GDAP1: variants seen among roughly 807,000 people sequenced by gnomAD.
The protein encoded by GDAP1 is ganglioside induced differentiation associated protein 1, also known as ganglioside-induced differentiation-associated protein 1.
A neutral mutation model predicts 40.1 loss-of-function variants in GDAP1; 34 were observed. The observed-to-expected ratio is 0.85, with a 90% CI of 0.64 to 1.13. The LOEUF (loss-of-function observed/expected upper bound fraction) is 1.13, where lower values mean the gene tolerates loss of function less well. Ranked by LOEUF, GDAP1 falls within the 50% of genes most tolerant of loss-of-function variation. GDAP1 has a pLI of 0.00. For synonymous variants in GDAP1, 170 were observed against 157.4 expected (o/e 1.08, Z -0.60); for missense variants, 374 against 433.7 (o/e 0.86, Z 1.22).
intron 2 of GDAP1, among the ~76,000 whole-genome samples, chr8:74,356,862 G>T (rs564775803): frequency 2.6e-5 from 4 of 151,388 alleles, no homozygotes; most frequent in African/African-American, 9.7e-5. Flanking sequence ...CTATAGGCGC[G>T]CACCACCACG....
chr8:74,377,304 G>T (rs1809872540), intron 2 of GDAP1, among the ~76,000 whole-genome samples: 1 of 151,976 alleles, frequency 6.6e-6, no homozygotes, highest in Admixed American at 6.6e-5. Context: ...CCTGACAAAG[G>T]ATGTATAGTC....
intron 2 of GDAP1, among the ~76,000 whole-genome samples, chr8:74,426,999 G>A (rs925370483): frequency 2.0e-5 from 3 of 152,128 alleles, no homozygotes; most frequent in Non-Finnish European, 2.9e-5. Context: ...CTTTGCATCC[G>A]TACCTGTGTG....
chr8:74,460,277 A>G (rs1245927684), intron 2 of GDAP1, among the ~76,000 whole-genome samples: 1 of 152,208 alleles, frequency 6.6e-6, no homozygotes, highest in Non-Finnish European at 1.5e-5. Flanking sequence ...ATTTGTTGAT[A>G]AAGGAGAAAT....
At chr8:74,458,428 T>G (rs73686982) in intron 2 of GDAP1, among the ~76,000 whole-genome samples, 1,645 of 152,304 alleles carry the variant, frequency 0.011, 30 homozygotes, top group African/African-American at 0.037. Context: ...CATGGCCCAC[T>G]TACATGGATA....
chr8:74,408,895 C>T (rs1805674008), intron 2 of GDAP1, among the ~76,000 whole-genome samples: 1 of 150,014 alleles, frequency 6.7e-6, no homozygotes, highest in Non-Finnish European at 1.5e-5. Flanking sequence ...AGGCTCTAAA[C>T]AAAGGTATCC....
intron 2 of GDAP1, among the ~76,000 whole-genome samples, chr8:74,464,780 G>A (rs1033525219): frequency 4.6e-5 from 7 of 152,142 alleles, no homozygotes; most frequent in African/African-American, 1.4e-4. Flanking sequence ...GCCATATTTA[G>A]GGAAAGGGAT....
intron 2 of GDAP1, among the ~76,000 whole-genome samples, chr8:74,419,136 A>C (rs951846671): frequency 1.3e-5 from 2 of 152,316 alleles, no homozygotes; most frequent in Admixed American, 6.5e-5. Flanking sequence ...CTTATAGTTA[A>C]ACCTGCACTT....
chr8:74,360,045 TTAA>T, intron 2 of GDAP1, 89 bp from the exon 3 acceptor site: 1 of 860,332 alleles, frequency 1.2e-6, no homozygotes, highest in South Asian at 1.4e-5. Context: ...GTTGAAAATG[TTAA>T]TGATGAGTGG....
chr8:74,412,692 C>T lies in GDAP1; in HGVS notation c.165+61371C>T, dbSNP rs117007344. Among the ~76,000 whole-genome samples the T allele has an allele frequency of 6.0e-4, 90 of 149,958 alleles. 2 individuals are homozygous for T. In the East Asian group the frequency reaches 0.014, roughly 23 times the overall value. On this transcript the variant is annotated intron_variant, in intron 2 of 2. Coordinates refer to the GDAP1 transcript ENST00000523640. ...CTAACAAAAACTGAGGGCAAAGAAA[C>T]AACAAGGTGAATAACAAGATGAAAT... is the stretch of plus-strand genomic sequence containing the variant.
chr8:74,364,810 T>C lies in GDAP1; in HGVS notation c.*443T>C. Reference sequence around the variant, plus strand: ...GGGCTGGAGAGAACCCCAGGCTTTATATGTATACTTTGACCTCAGTGTTAA... The same window carrying C: ...GGGCTGGAGAGAACCCCAGGCTTTACATGTATACTTTGACCTCAGTGTTAA... On this transcript the variant is annotated 3_prime_UTR_variant, in exon 6 of 6. Transcript: ENST00000220822. 2.2e-6 allele frequency: 1 copy of C among 455,796 alleles called. No homozygotes were observed. Among genetic ancestry groups the C allele is most frequent in the Non-Finnish European group, 4.4e-6 (1 of 227,960 alleles). 28.2% of individuals were successfully genotyped at this position (455,796 alleles called of 1,614,324 possible). A position where few individuals can be genotyped will look rare whatever the true frequency, so the allele number is the denominator to read the frequency against.
chr8:74,383,912 G>A (rs972977031), intron 2 of GDAP1, among the ~76,000 whole-genome samples: 1 of 152,096 alleles, frequency 6.6e-6, no homozygotes, highest in Non-Finnish European at 1.5e-5. Flanking sequence ...CATCTTGGTG[G>A]TTGTAGGTAT....
chr8:74,443,759 C>CT (rs944272922), intron 2 of GDAP1, among the ~76,000 whole-genome samples: 16 of 152,232 alleles, frequency 1.1e-4, no homozygotes, highest in Admixed American at 9.2e-4. Flanking sequence ...GGGAGGCTTC[C>CT]TTAGTCATTC....
chr8:74,471,931 A>G (rs1394494234), intron 2 of GDAP1, among the ~76,000 whole-genome samples: 2 of 152,128 alleles, frequency 1.3e-5, no homozygotes, highest in Non-Finnish European at 2.9e-5. Context: ...TAATTAAATT[A>G]ATTAATTAAT....
intron 2 of GDAP1, among the ~76,000 whole-genome samples, chr8:74,381,938 A>G (rs1809960287): frequency 6.6e-6 from 1 of 151,880 alleles, no homozygotes; most frequent in Admixed American, 6.6e-5. Context: ...TGGGAGGTCA[A>G]TCCTCTGCTT....
chr8:74,470,181 G>T (rs1806530674), intron 2 of GDAP1, among the ~76,000 whole-genome samples: 1 of 151,400 alleles, frequency 6.6e-6, no homozygotes, highest in African/African-American at 2.4e-5. Flanking sequence ...AAATTTATTT[G>T]CTTGGTGTTA....
chr8:74,466,289 G>T (rs1806468883), intron 2 of GDAP1, among the ~76,000 whole-genome samples: 1 of 152,188 alleles, frequency 6.6e-6, no homozygotes, highest in Non-Finnish European at 1.5e-5. Flanking sequence ...GGGCCCCAGG[G>T]TTCCTTGGAA....
In GDAP1 at chr8:74,453,023, C is replaced by T. The variant is rs1447655501; in HGVS notation, c.166-35655C>T. On this transcript the variant is annotated intron_variant, in intron 2 of 2. Transcript: ENST00000523640. ...TATTTGCTTTGGTTTTGTTGTTAGT[C>T]GTGCTAAATCACTTAGTCCTGGAAC... is the stretch of plus-strand genomic sequence containing the variant. Among the ~76,000 whole-genome samples the T allele has an allele frequency of 3.6e-5, 3 of 82,678 alleles. 1 individual carries two copies. The highest frequency in any genetic ancestry group is 7.3e-5 in the Non-Finnish European group (3 of 40,908). The allele number at this position is 82,678 out of a possible 152,430, so 54.2% of individuals were successfully genotyped here. A position where few individuals can be genotyped will look rare whatever the true frequency, so the allele number is the denominator to read the frequency against.
chr8:74,430,443 C>G (rs1806011017), intron 2 of GDAP1, among the ~76,000 whole-genome samples: 1 of 152,090 alleles, frequency 6.6e-6, no homozygotes, highest in Admixed American at 6.5e-5. Context: ...CAATATGGTT[C>G]TATGCAGTTG....
intron 2 of GDAP1, among the ~76,000 whole-genome samples, chr8:74,385,294 A>C (rs912597674): frequency 2.6e-5 from 4 of 152,156 alleles, no homozygotes; most frequent in African/African-American, 9.7e-5. Context: ...CATCATGTAC[A>C]TTAGGTATTT....
Sources: allele counts gnomAD v4.1 joint callset (sites outside exome capture counted in the v4.1 genomes callset), GRCh38; gene constraint gnomAD v4.1.1; transcripts MANE v1.5; gene names NCBI Gene and HGNC (gene_info 2026-07-23, HGNC 2026-07-21).